The following AFAP1 variants were observed in gnomAD, a reference collection of about 807,000 sequenced individuals.
AFAP1 encodes actin filament associated protein 1, also known as actin filament-associated protein 1.
AFAP1 carries 75 observed loss-of-function variants against 93.9 expected under a neutral mutation model. That is an observed-to-expected ratio of 0.80 (90% CI 0.66 to 0.97). The LOEUF (loss-of-function observed/expected upper bound fraction) is 0.97. AFAP1 is among the 50% of genes least tolerant of loss of function. The pLI is 0.00. For synonymous variants in AFAP1, 517 were observed against 430.7 expected (o/e 1.20, Z -2.48); for missense variants, 1,201 against 1,050.8 (o/e 1.14, Z -1.98).
chr4:7,848,099 AGAAGGAAGGAAGGAAG>A (rs143271001), intron 4 of AFAP1, among the ~76,000 whole-genome samples: 3 of 116,020 alleles, frequency 2.6e-5, no homozygotes, highest in African/African-American at 8.1e-5. Context: ...AGGGAAGGAA[AGAAGGAAGGAAGGAAG>A]GAAGGAAGGA....
chr4:7,901,935 A>G lies in AFAP1; in HGVS notation c.-2-29855T>C, dbSNP rs16841372. Among the ~76,000 whole-genome samples, 725 of 152,322 alleles carry G rather than the reference A, an allele frequency of 4.8e-3. 7 individuals are homozygous for G. Among genetic ancestry groups the G allele is most frequent in the African/African-American group, 0.016 (683 of 41,570 alleles). On this transcript the variant is annotated intron_variant, in intron 1 of 17. Transcript: ENST00000420658. ...TAAAGTCCCAGAGATTTTATAGTGG[A>G]ATGCACCCCTCATTTGCATCAACAA...
At chr4:7,764,555 T>C (rs749635223) in intron 17 of AFAP1, among the ~76,000 whole-genome samples, 1 of 152,240 alleles carries the variant, frequency 6.6e-6, no homozygotes, top group Non-Finnish European at 1.5e-5. Flanking sequence ...TGGTCAATTT[T>C]ACATCGTGTT....
At chr4:7,880,405 G>A (rs1368535503) in intron 1 of AFAP1, among the ~76,000 whole-genome samples, 1 of 150,718 alleles carries the variant, frequency 6.6e-6, no homozygotes, top group Non-Finnish European at 1.5e-5. Context: ...TCAGCCTCCT[G>A]AGTAGCTGGT....
At chr4:7,878,368 G>C (rs1717641357) in intron 1 of AFAP1, among the ~76,000 whole-genome samples, 1 of 152,182 alleles carries the variant, frequency 6.6e-6, no homozygotes, top group African/African-American at 2.4e-5. Flanking sequence ...CAGGCATTCG[G>C]ATCCAGTTTC....
In AFAP1 at chr4:7,816,063, C is replaced by T. The variant is rs571741533; in HGVS notation, c.859G>A (p.Gly287Ser). Residue 287 changes from glycine (G) to serine (S), a missense_variant, in exon 8 of 18, where the codon GGT (glycine) becomes AGT (serine). By Grantham distance (56) the Gly-to-Ser change is moderately conservative. Transcript: ENST00000420658. ...SSERPSSDGE[G>S]VVENGITTCN... ...GTGGTAATTCCATTTTCCACAACACCCTCCCCATCTGAGCTGGGTCTCTCT... is the reference window on the plus strand; with the variant it reads ...GTGGTAATTCCATTTTCCACAACACTCTCCCCATCTGAGCTGGGTCTCTCT... 2.5e-6 allele frequency: 4 copies of T among 1,613,042 alleles called. No individual in the cohort carries two copies. Among genetic ancestry groups the T allele is most frequent in the Admixed American group, 3.3e-5 (2 of 59,976 alleles).
intron 1 of AFAP1, among the ~76,000 whole-genome samples, chr4:7,896,160 T>C (rs1315458220): frequency 6.6e-6 from 1 of 152,094 alleles, no homozygotes; most frequent in East Asian, 1.9e-4. Flanking sequence ...TCAGAAAGTA[T>C]TTTTTATAGA....
chr4:7,800,650 T>C lies in AFAP1; in HGVS notation c.1058A>G (p.Tyr353Cys), dbSNP rs1321272682. The change falls in exon 10 of 18, where the codon TAT (tyrosine) becomes TGT (cysteine). Residue 353 changes from tyrosine to cysteine, a missense_variant. By Grantham distance (194) the Tyr-to-Cys change is radical (BLOSUM62 -2). Transcript: ENST00000420658. ...GCGGCTGTTGGAGAGCACGTTCAGATAGCCTGCGGAGACACAAGGCCACAG... is the reference window on the plus strand; with the variant it reads ...GCGGCTGTTGGAGAGCACGTTCAGACAGCCTGCGGAGACACAAGGCCACAG... Reference protein sequence around the residue: ...SAEEDVPTCGYLNVLSNSRWR... With the variant: ...SAEEDVPTCGCLNVLSNSRWR... 6.2e-7 allele frequency: 1 copy of C among 1,614,176 alleles called. No individual in the cohort carries two copies. The highest frequency in any genetic ancestry group is 1.7e-5 in the Admixed American group (1 of 60,024).
intron 1 of AFAP1, among the ~76,000 whole-genome samples, chr4:7,880,893 A>T (rs1467102877): frequency 6.6e-6 from 1 of 152,194 alleles, no homozygotes; most frequent in African/African-American, 2.4e-5. Flanking sequence ...GCCACGGGCG[A>T]CAGGCTCTGC....
rs191629386 is a variant in AFAP1, at chr4:7,933,632, C to G, written c.-3+6024G>C. ...CTCTGAGTGAAGAAGAGAAATGCGC[C>G]CAGGGGAATTGGAGGGCCTGACCAG... is the stretch of plus-strand genomic sequence containing the variant. On this transcript the variant is annotated intron_variant, in intron 1 of 17. Coordinates refer to ENST00000420658, the MANE Select transcript of AFAP1 (RefSeq NM_001134647.2). Among the ~76,000 whole-genome samples, 8 of 152,056 alleles carry G rather than the reference C, an allele frequency of 5.3e-5. No individual in the cohort carries two copies. The South Asian group carries it at 1.7e-3, about 31-fold the overall frequency.
rs1220433136 is a variant in AFAP1, at chr4:7,809,555, A to G, written c.1054+59T>C. The G allele has an allele frequency of 3.8e-6, 6 of 1,561,262 alleles. No individual in the cohort carries two copies. In the Admixed American group the frequency reaches 9.7e-5, roughly 25 times the overall value. On this transcript the variant is annotated intron_variant, in intron 9 of 17. Coordinates refer to ENST00000420658, the MANE Select transcript of AFAP1 (RefSeq NM_001134647.2). ...ATGAACTGGGTACCGACACCACTGCAGGAGAAAATGAAACCCACTTAGGTG... is the reference window on the plus strand; with the variant it reads ...ATGAACTGGGTACCGACACCACTGCGGGAGAAAATGAAACCCACTTAGGTG...
chr4:7,923,183 CT>C (rs1359592298), intron 1 of AFAP1, among the ~76,000 whole-genome samples: 9 of 152,158 alleles, frequency 5.9e-5, no homozygotes, highest in Admixed American at 1.3e-4. Context: ...ACAGCACTAT[CT>C]TTATATAAAG....
intron 9 of AFAP1, among the ~76,000 whole-genome samples, chr4:7,800,926 G>C (rs1452522910): frequency 6.6e-6 from 1 of 152,218 alleles, no homozygotes; most frequent in Non-Finnish European, 1.5e-5. Context: ...GATGCCTGGT[G>C]TTGATGTGGG....
intron 9 of AFAP1, among the ~76,000 whole-genome samples, chr4:7,802,873 T>C (rs1277675540): frequency 6.6e-6 from 1 of 152,118 alleles, no homozygotes; most frequent in Non-Finnish European, 1.5e-5. Flanking sequence ...AAGGTCTCGA[T>C]CTCCTGACCT....
intron 13 of AFAP1, among the ~76,000 whole-genome samples, chr4:7,780,921 T>A (rs907727138): frequency 6.6e-6 from 1 of 152,196 alleles, no homozygotes; most frequent in Non-Finnish European, 1.5e-5. Flanking sequence ...AGACTTGTCA[T>A]GGAGAAACAC....
chr4:7,796,628 G>A (rs1718440959), intron 10 of AFAP1, among the ~76,000 whole-genome samples: 1 of 151,700 alleles, frequency 6.6e-6, no homozygotes, highest in Non-Finnish European at 1.5e-5. Flanking sequence ...GCGGGCACCT[G>A]TAATCCCAGC....
intron 1 of AFAP1, among the ~76,000 whole-genome samples, chr4:7,894,586 A>G (rs1433124811): frequency 6.6e-6 from 1 of 152,138 alleles, no homozygotes; most frequent in Non-Finnish European, 1.5e-5. Context: ...TTCAGAATGC[A>G]GAATCAGGGA....
At chr4:7,906,115 C>A (rs1395596551) in intron 1 of AFAP1, among the ~76,000 whole-genome samples, 2 of 152,134 alleles carry the variant, frequency 1.3e-5, no homozygotes, top group Non-Finnish European at 2.9e-5. Flanking sequence ...AAGACCAAAC[C>A]CAGCATGCAG....
chr4:7,758,816 A>AT lies in AFAP1; in HGVS notation c.*4948dup, dbSNP rs2148920832. ...GAAAATTCAACCAGGAAAGCAGGAA[A>AT]TTCAGTGAAGCTACTACAAAGTGGG... is the stretch of plus-strand genomic sequence containing the variant. On this transcript the variant is annotated 3_prime_UTR_variant, in exon 18 of 18. Transcript: ENST00000420658. The AT allele has an allele frequency of 6.6e-6, 1 of 152,362 alleles. No individual in the cohort carries two copies. The highest frequency in any genetic ancestry group is 6.5e-5 in the Admixed American group (1 of 15,300). The allele number at this position is 152,362 out of a possible 1,614,324, so 9.4% of individuals were successfully genotyped here.
intron 1 of AFAP1, chr4:7,872,349 C>G (rs112138036): frequency 0.077 from 29,157 of 376,878 alleles, 1,530 homozygotes; most frequent in African/African-American, 0.18. Context: ...GATGGTGTGA[C>G]AACCCAAAGG....
Sources: gnomAD v4.1 joint callset for allele counts (sites outside exome capture counted in the v4.1 genomes callset) on GRCh38, gnomAD v4.1.1 for gene constraint, MANE v1.5 for transcripts, NCBI Gene and HGNC (gene_info 2026-07-23, HGNC 2026-07-21) for gene names.